The following NEIL1 variants were observed in gnomAD, a reference collection of about 807,000 sequenced individuals.
NEIL1 encodes nei like DNA glycosylase 1, also known as endonuclease 8-like 1.
NEIL1 carries 31 observed loss-of-function variants against 44.2 expected under a neutral mutation model. The ratio of observed to expected loss-of-function variants is 0.70; its 90% CI spans 0.53 to 0.95. The LOEUF (loss-of-function observed/expected upper bound fraction) is 0.95. Among genes scored for constraint, NEIL1 ranks in the 40% least tolerant of loss-of-function variants. The pLI is 0.00. For synonymous variants in NEIL1, 254 were observed against 209.7 expected, an observed-to-expected ratio of 1.21 and a Z score of -1.83; for missense variants, 549 against 515.5, an observed-to-expected ratio of 1.07 and a Z score of -0.63.
At chr15:75,353,224 T>TACACACACACACACACACACAC (rs10653888) in intron 5 of NEIL1, 2 of 162,084 alleles carry the variant, frequency 1.2e-5, no homozygotes, top group African/African-American at 5.0e-5. Context: ...TATATATTTA[T>TACACACACACACACACACACAC]ACACACACAC....
At chr15:75,349,758 G>A (rs1214026421) in intron 2 of NEIL1, 1 of 197,634 alleles carries the variant, frequency 5.1e-6, no homozygotes, top group African/African-American at 2.3e-5. Flanking sequence ...GGGTTGCAGT[G>A]AGCTGAGACA....
At position 75,356,158 on chromosome 15, in the gene NEIL1, T is replaced by TGGCTG. The variant is rs745408548; in HGVS notation, c.*1125_*1129dup. ...CGACAAGTGCAGCCAGCAGTCCACGTGGCTGCCGTGGGCCTCATACAGCCT... is the reference window on the plus strand; with the variant it reads ...CGACAAGTGCAGCCAGCAGTCCACGTGGCTGGGCTGCCGTGGGCCTCATACAGCCT... On this transcript the variant is annotated 3_prime_UTR_variant, in exon 10 of 10. Transcript: ENST00000355059. This position sits in a 1 kb window ranked among gnomAD's most constrained non-coding sequence, Gnocchi z 5.8. The TGGCTG allele has an allele frequency of 6.2e-7, 1 of 1,613,582 alleles. No individual in the cohort carries two copies. The highest frequency in any genetic ancestry group is 1.1e-5 in the South Asian group (1 of 91,078).
chr15:75,353,516 CACAGGGCCAGG>C, intron 5 of NEIL1: 1 of 661,566 alleles, frequency 1.5e-6, no homozygotes, highest in Non-Finnish European at 2.9e-6. Flanking sequence ...GTGGCCACTG[CACAGGGCCAGG>C]ACAAGGATTC....
chr15:75,351,351 T>C (rs1213009689), intron 2 of NEIL1: 1 of 426,700 alleles, frequency 2.3e-6, no homozygotes, highest in Admixed American at 2.8e-5. Flanking sequence ...TCACAGCTCA[T>C]TGCAGCCTTA....
intron 2 of NEIL1, among the ~76,000 whole-genome samples, chr15:75,350,329 T>G (rs2071784503): frequency 6.6e-6 from 1 of 152,156 alleles, no homozygotes; most frequent in African/African-American, 2.4e-5. Context: ...ACAGAACTGA[T>G]GTTCACATAG....
chr15:75,347,751 G>C (rs2071549423), intron 1 of NEIL1: 1 of 1,039,678 alleles, frequency 9.6e-7, no homozygotes, highest in Non-Finnish European at 1.2e-6. Context: ...TGAGGAGGAG[G>C]GGAGTCAGGA....
At chr15:75,354,160 G>A (rs960917155) in intron 6 of NEIL1, 90 bp from the exon 7 acceptor site, 3 of 1,410,574 alleles carry the variant, frequency 2.1e-6, no homozygotes, top group South Asian at 1.2e-5. Context: ...ACACTGATCT[G>A]GATGGGTGTG....
At chr15:75,351,160 C>T (rs2071854963) in intron 2 of NEIL1, 1 of 431,176 alleles carries the variant, frequency 2.3e-6, no homozygotes, top group Non-Finnish European at 4.5e-6. Context: ...ACCACAAATG[C>T]TATACAGGGA....
chr15:75,351,938 T>C (rs564937935), intron 2 of NEIL1, 173 bp from the exon 3 acceptor site: 64 of 622,268 alleles, frequency 1.0e-4, no homozygotes, highest in Non-Finnish European at 1.7e-4. Flanking sequence ...TCACAATGAA[T>C]TTAAATCCCT....
At chr15:75,353,991 T>A (rs914069421) in intron 6 of NEIL1, 125 bp downstream of exon 6, 1 of 1,326,438 alleles carries the variant, frequency 7.5e-7, no homozygotes, top group Non-Finnish European at 1.0e-6. Flanking sequence ...ACACTGTTCC[T>A]GAGGGTCACA....
At chr15:75,351,135 T>C (rs2071853349) in intron 2 of NEIL1, among the ~76,000 whole-genome samples, 1 of 152,072 alleles carries the variant, frequency 6.6e-6, no homozygotes, top group African/African-American at 2.4e-5. Context: ...CAAACCCACA[T>C]ATGGTCTCTA....
intron 2 of NEIL1, among the ~76,000 whole-genome samples, chr15:75,350,926 T>A (rs1353346762): frequency 6.6e-6 from 1 of 152,110 alleles, no homozygotes; most frequent in African/African-American, 2.4e-5. Flanking sequence ...GACCCACTCA[T>A]CACACCCATT....
Position 75,349,062 on chromosome 15 carries a change from G to A in NEIL1, c.157G>A (p.Gly53Ser), listed in dbSNP as rs1408764607. 5 of 1,613,344 alleles carry A rather than the reference G, an allele frequency of 3.1e-6. No homozygotes were observed. The highest frequency in any genetic ancestry group is 4.2e-6 in the Non-Finnish European group (5 of 1,180,002). The change falls in exon 2 of 10, where the codon GGC becomes AGC. Residue 53 changes from glycine to serine, a missense_variant. Gly to Ser is a moderately conservative substitution (Grantham distance 56). Transcript: ENST00000355059. ...SAYRISASARGKELRLILSPL... is the reference protein window; with the variant it reads ...SAYRISASARSKELRLILSPL... ...CTACCGCATCTCAGCTTCAGCCCGC[G>A]GCAAGGAGCTGCGCCTGATACTGAG...
intron 8 of NEIL1, 51 bp downstream of exon 8, chr15:75,354,543 C>T: frequency 6.2e-7 from 1 of 1,613,138 alleles, no homozygotes; most frequent in Non-Finnish European, 8.5e-7. Context: ...GCCCTGGCTG[C>T]CCCTCCCAGG....
Position 75,352,630 on chromosome 15 carries a change from T to C in NEIL1, c.647T>C (p.Ile216Thr), listed in dbSNP as rs776755516. Residue 216 changes from isoleucine (I) to threonine (T), a missense_variant, in exon 5 of 10, where the codon ATA becomes ACA. Coordinates refer to ENST00000355059, the MANE Select transcript of NEIL1 (RefSeq NM_024608.4). ...CCGGAGCTGACCCTGAGCCAGAAGATAAGGACCAAGCTGCAGAATCCAGAC... is the reference window on the plus strand; with the variant it reads ...CCGGAGCTGACCCTGAGCCAGAAGACAAGGACCAAGCTGCAGAATCCAGAC... Reference protein sequence around the residue: ...PSPELTLSQKIRTKLQNPDLL... With the variant: ...PSPELTLSQKTRTKLQNPDLL... 1 of 1,613,416 alleles carries C rather than the reference T, an allele frequency of 6.2e-7. No individual in the cohort carries two copies. The highest frequency in any genetic ancestry group is 1.1e-5 in the South Asian group (1 of 90,898).
chr15:75,356,108 A>G lies in NEIL1; in HGVS notation c.*1074A>G, dbSNP rs2072284969. On this transcript the variant is annotated 3_prime_UTR_variant, in exon 10 of 10. Transcript: ENST00000355059. The surrounding 1 kb of genome is among the most constrained non-coding windows in gnomAD (Gnocchi z 5.8). ...CCGCCCCAATCCCACACCGCCACTCACAGGATGGCCTCCTGAACCGGCAGC... is the reference window on the plus strand; with the variant it reads ...CCGCCCCAATCCCACACCGCCACTCGCAGGATGGCCTCCTGAACCGGCAGC... 1 of 1,613,734 alleles carries G rather than the reference A, an allele frequency of 6.2e-7. No individual in the cohort carries two copies. The highest frequency in any genetic ancestry group is 8.5e-7 in the Non-Finnish European group (1 of 1,179,962).
chr15:75,348,279 T>C (rs1383898258), intron 1 of NEIL1: 3 of 972,256 alleles, frequency 3.1e-6, no homozygotes, highest in Non-Finnish European at 3.7e-6. Flanking sequence ...AGCGGCCGAT[T>C]CGGCCGCTCC....
chr15:75,351,419 G>A (rs2071883517), intron 2 of NEIL1: 1 of 373,804 alleles, frequency 2.7e-6, no homozygotes, highest in African/African-American at 2.1e-5. Flanking sequence ...GGAACCACAG[G>A]AGTGCATCAC....
intron 4 of NEIL1, 70 bp downstream of exon 4, chr15:75,352,457 G>T: frequency 6.3e-7 from 1 of 1,583,718 alleles, no homozygotes; most frequent in Non-Finnish European, 8.6e-7. Context: ...AAGGAGATGG[G>T]TGGGGTCAGG....
Sources: allele counts gnomAD v4.1 joint callset (sites outside exome capture counted in the v4.1 genomes callset), GRCh38; gene constraint gnomAD v4.1.1; non-coding constraint Gnocchi (gnomAD v3.1); transcripts MANE v1.5; gene names NCBI Gene and HGNC (gene_info 2026-07-23, HGNC 2026-07-21).